WDFY2: variants seen among roughly 807,000 people sequenced by gnomAD.
WDFY2 encodes WD repeat and FYVE domain containing 2, also known as WD repeat and FYVE domain-containing protein 2.
In WDFY2, 36 loss-of-function variants were observed where a neutral mutation model predicts 56.4. That is an observed-to-expected ratio of 0.64 (90% CI 0.49 to 0.84). WDFY2 has a LOEUF of 0.84. Among genes scored for constraint, WDFY2 ranks in the 40% least tolerant of loss-of-function variants. The pLI is 0.00. For synonymous variants in WDFY2, 176 were observed against 183.7 expected (o/e 0.96, Z 0.34); for missense variants, 444 against 512.2 (o/e 0.87, Z 1.29).
At chr13:51,721,455 C>T (rs1952488629) in intron 5 of WDFY2, among the ~76,000 whole-genome samples, 1 of 152,064 alleles carries the variant, frequency 6.6e-6, no homozygotes, top group Non-Finnish European at 1.5e-5. Context: ...GGACAATGTC[C>T]AATTTGCCCT....
intron 1 of WDFY2, among the ~76,000 whole-genome samples, chr13:51,639,717 G>T (rs1487494579): frequency 1.3e-5 from 2 of 152,146 alleles, no homozygotes; most frequent in African/African-American, 2.4e-5. Flanking sequence ...ATTATGTAAT[G>T]TGGAATCTGA....
chr13:51,627,618 A>G (rs1954861659), intron 1 of WDFY2, among the ~76,000 whole-genome samples: 2 of 152,026 alleles, frequency 1.3e-5, no homozygotes, highest in South Asian at 4.1e-4. Flanking sequence ...TCCTGACGTC[A>G]GGTGGTCCGC....
At chr13:51,675,786 A>G (rs1955876702) in intron 3 of WDFY2, among the ~76,000 whole-genome samples, 1 of 152,228 alleles carries the variant, frequency 6.6e-6, no homozygotes, top group South Asian at 2.1e-4. Flanking sequence ...GTCTGTAGAT[A>G]GATCCACATA....
In WDFY2 at chr13:51,584,646, G is replaced by A; in HGVS notation, c.-42G>A. ...AGCAGTCTCCTCAGCCCGGCCCCGC[G>A]GCGCGGTTGGCGGCGGCGCCCCAGG... is the stretch of plus-strand genomic sequence containing the variant. On this transcript the variant is annotated 5_prime_UTR_variant, in exon 1 of 12. Coordinates refer to ENST00000298125, the MANE Select transcript of WDFY2 (RefSeq NM_052950.4). 6.3e-7 allele frequency: 1 copy of A among 1,589,474 alleles called. No individual in the cohort carries two copies. Among genetic ancestry groups the A allele is most frequent in the Non-Finnish European group, 8.5e-7 (1 of 1,170,732 alleles).
intron 1 of WDFY2, among the ~76,000 whole-genome samples, chr13:51,638,308 G>C (rs1380573866): frequency 6.6e-6 from 1 of 152,154 alleles, no homozygotes; most frequent in African/African-American, 2.4e-5. Context: ...TGGGGGTGGG[G>C]TATTAATGAG....
intron 7 of WDFY2, among the ~76,000 whole-genome samples, chr13:51,750,647 C>T (rs1344351411): frequency 6.6e-6 from 1 of 152,146 alleles, no homozygotes; most frequent in African/African-American, 2.4e-5. Flanking sequence ...ACTAGATTCT[C>T]CATCATTTTT....
At chr13:51,608,892 AG>A (rs1419994325) in intron 1 of WDFY2, among the ~76,000 whole-genome samples, 2 of 152,086 alleles carry the variant, frequency 1.3e-5, no homozygotes, top group African/African-American at 2.4e-5. Context: ...GGTTATTTCC[AG>A]GGCATTTTTT....
intron 3 of WDFY2, among the ~76,000 whole-genome samples, chr13:51,685,292 T>C (rs1956042058): frequency 6.6e-6 from 1 of 152,186 alleles, no homozygotes; most frequent in African/African-American, 2.4e-5. Flanking sequence ...GTGCATTTCA[T>C]TTATATAATT....
chr13:51,696,251 A>G (rs1951873760), intron 3 of WDFY2, among the ~76,000 whole-genome samples: 1 of 152,202 alleles, frequency 6.6e-6, no homozygotes. Context: ...AAATGCAGAA[A>G]TCACCCATCT....
intron 1 of WDFY2, among the ~76,000 whole-genome samples, chr13:51,634,343 T>C (rs545855039): frequency 6.6e-6 from 1 of 152,236 alleles, no homozygotes; most frequent in East Asian, 1.9e-4. Flanking sequence ...TTTTACCCTC[T>C]TTGTATTCCT....
chr13:51,753,343 G>A (rs1186402599), intron 8 of WDFY2, among the ~76,000 whole-genome samples: 1 of 152,236 alleles, frequency 6.6e-6, no homozygotes, highest in African/African-American at 2.4e-5. Flanking sequence ...TGAGTGGCTG[G>A]ATGTAGATCG....
intron 1 of WDFY2, among the ~76,000 whole-genome samples, chr13:51,593,524 AG>A (rs879273354): frequency 6.6e-6 from 1 of 152,172 alleles, no homozygotes; most frequent in Non-Finnish European, 1.5e-5. Context: ...TATGCATATG[AG>A]AATGTTAGTT....
chr13:51,585,276 C>T (rs1953915724), intron 1 of WDFY2, among the ~76,000 whole-genome samples: 1 of 152,222 alleles, frequency 6.6e-6, no homozygotes, highest in Admixed American at 6.5e-5. Flanking sequence ...AAATGCCACT[C>T]CTTCTTCCCA....
At chr13:51,641,278 G>T (rs1489128784) in intron 1 of WDFY2, among the ~76,000 whole-genome samples, 1 of 151,752 alleles carries the variant, frequency 6.6e-6, no homozygotes, top group Non-Finnish European at 1.5e-5. Flanking sequence ...CACCATCTTG[G>T]CCAGGCTCGT....
intron 3 of WDFY2, among the ~76,000 whole-genome samples, chr13:51,675,625 C>G (rs1042179394): frequency 6.6e-6 from 1 of 152,106 alleles, no homozygotes; most frequent in Non-Finnish European, 1.5e-5. Flanking sequence ...AAATGCTTTC[C>G]CTTATGTCTG....
chr13:51,748,155 G>A (rs1400205445), intron 7 of WDFY2, among the ~76,000 whole-genome samples: 16 of 151,662 alleles, frequency 1.1e-4, no homozygotes, highest in Admixed American at 5.9e-4. Context: ...CCATCACAAC[G>A]CCCCCTCCCC....
chr13:51,703,682 A>G (rs775652782), intron 4 of WDFY2, 32 bp downstream of exon 4: 1 of 1,563,916 alleles, frequency 6.4e-7, no homozygotes, highest in Non-Finnish European at 8.7e-7. Flanking sequence ...TTCATTACCC[A>G]GATTCTAAAA....
chr13:51,637,404 A>T (rs1036507229), intron 1 of WDFY2, among the ~76,000 whole-genome samples: 10 of 146,682 alleles, frequency 6.8e-5, no homozygotes, highest in South Asian at 2.1e-4. Context: ...GTTTGAAATA[A>T]TTTTTTTTTT....
intron 1 of WDFY2, among the ~76,000 whole-genome samples, chr13:51,645,087 C>T (rs1477948193): frequency 6.6e-6 from 1 of 151,950 alleles, no homozygotes; most frequent in Non-Finnish European, 1.5e-5. Flanking sequence ...AAAAAATCAG[C>T]TATGTTTTCT....
Sources: gnomAD v4.1 joint callset for allele counts (sites outside exome capture counted in the v4.1 genomes callset) on GRCh38, gnomAD v4.1.1 for gene constraint, MANE v1.5 for transcripts, NCBI Gene and HGNC (gene_info 2026-07-23, HGNC 2026-07-21) for gene names.